Variants in TMEM232 observed in about 807,000 individuals in gnomAD.
TMEM232 encodes the protein transmembrane protein 232.
In TMEM232, 80 loss-of-function variants were observed where a neutral mutation model predicts 78.8. That is an observed-to-expected ratio of 1.01 (90% confidence interval 0.85 to 1.22). The LOEUF is 1.22. Among genes scored for constraint, TMEM232 ranks in the 50% most tolerant of loss-of-function variants. The pLI, the probability that TMEM232 is intolerant of heterozygous loss-of-function variation, is 0.00. For missense variants in TMEM232, 881 were observed against 742.2 expected (o/e 1.19, Z -2.17); for synonymous variants, 297 against 254.3 (o/e 1.17, Z -1.60).
chr5:110,507,980 A>C (rs567963531), intron 12 of TMEM232, among the ~76,000 whole-genome samples: 3 of 152,330 alleles, frequency 2.0e-5, no homozygotes, highest in South Asian at 2.1e-4. Flanking sequence ...GTATGCTAAT[A>C]GGTGGTTGAC....
chr5:110,734,193 G>A (rs1422032799), intron 2 of TMEM232, among the ~76,000 whole-genome samples: 1 of 152,230 alleles, frequency 6.6e-6, no homozygotes, highest in Admixed American at 6.5e-5. Flanking sequence ...CTGCGTGCAG[G>A]TTGGCTAGAT....
At chr5:110,584,022 T>G (rs758369770) in intron 10 of TMEM232, among the ~76,000 whole-genome samples, 3 of 146,094 alleles carry the variant, frequency 2.1e-5, no homozygotes, top group Non-Finnish European at 3.0e-5. Flanking sequence ...TGTGAGGAAA[T>G]TGGAATCCCT....
intron 2 of TMEM232, among the ~76,000 whole-genome samples, chr5:110,647,129 G>C (rs1302818084): frequency 6.6e-6 from 1 of 151,886 alleles, no homozygotes; most frequent in Non-Finnish European, 1.5e-5. Flanking sequence ...TTGTGTGCAA[G>C]CATTGTATGT....
intron 11 of TMEM232, 73 bp from the exon 12 acceptor site, chr5:110,528,908 A>G (rs1771014312): frequency 8.4e-7 from 1 of 1,192,078 alleles, no homozygotes; most frequent in Non-Finnish European, 1.1e-6. Flanking sequence ...GTATTATTAA[A>G]TTTTTTAAAG....
intron 2 of TMEM232, among the ~76,000 whole-genome samples, chr5:110,653,759 T>G (rs1788649618): frequency 2.0e-5 from 3 of 152,190 alleles, no homozygotes; most frequent in Admixed American, 2.0e-4. Flanking sequence ...GGGAGGAATC[T>G]GAGCAGATGA....
chr5:110,736,433 C>G (rs555592610), intron 1 of TMEM232, among the ~76,000 whole-genome samples: 2 of 152,052 alleles, frequency 1.3e-5, no homozygotes, highest in Non-Finnish European at 2.9e-5. Flanking sequence ...TATGCAAGCC[C>G]GTGCTCAGAC....
intron 11 of TMEM232, 53 bp downstream of exon 11, chr5:110,568,394 C>A (rs1202679662): frequency 7.0e-7 from 1 of 1,433,110 alleles, no homozygotes; most frequent in Middle Eastern, 1.8e-4. Context: ...GAAATGACAA[C>A]CGTGCTTCCT....
At chr5:110,652,751 AAAGGAAACTTCTAAAAAGT>A (rs147111377) in intron 2 of TMEM232, among the ~76,000 whole-genome samples, 12,995 of 152,242 alleles carry the variant, frequency 0.085, 581 homozygotes, top group Admixed American at 0.12. Flanking sequence ...GTAAGAAGCA[AAAGGAAACTTCTAAAAAGT>A]AAATACAGGC....
In TMEM232 at chr5:110,455,860, T is replaced by C. The variant is rs1025968548; in HGVS notation, c.1704-30944A>G. On this transcript the variant is annotated intron_variant, in intron 12 of 13. Coordinates refer to ENST00000455884, the MANE Select transcript of TMEM232 (RefSeq NM_001039763.4). ...AAAAAGAAAAACCGTTATAGGTCTC[T>C]TTCAACAGATGAAAAACAAGCTTTT... 5.3e-5 allele frequency among the ~76,000 whole-genome samples: 8 copies of C among 152,220 alleles called. No homozygotes were observed. In the East Asian group the frequency reaches 7.7e-4, roughly 15 times the overall value.
At chr5:110,468,287 A>C (rs1762304438) in intron 12 of TMEM232, among the ~76,000 whole-genome samples, 1 of 150,674 alleles carries the variant, frequency 6.6e-6, no homozygotes, top group African/African-American at 2.5e-5. Context: ...TTCATATAAG[A>C]GCATAAAATA....
chr5:110,596,490 G>A (rs1780185049), intron 10 of TMEM232, among the ~76,000 whole-genome samples: 1 of 152,182 alleles, frequency 6.6e-6, no homozygotes, highest in African/African-American at 2.4e-5. Context: ...CAGAAAAAGA[G>A]GGAATCCTCC....
At chr5:110,653,843 G>A (rs1316711427) in intron 2 of TMEM232, among the ~76,000 whole-genome samples, 1 of 151,986 alleles carries the variant, frequency 6.6e-6, no homozygotes, top group Non-Finnish European at 1.5e-5. Flanking sequence ...TAATCCAAAA[G>A]GACTTGTAAG....
chr5:110,451,778 T>C (rs1306134997), intron 12 of TMEM232, among the ~76,000 whole-genome samples: 4 of 152,138 alleles, frequency 2.6e-5, no homozygotes, highest in Non-Finnish European at 5.9e-5. Context: ...TATTATTTAT[T>C]AGTATCATAG....
At chr5:110,503,873 C>T (rs1225695350) in intron 12 of TMEM232, among the ~76,000 whole-genome samples, 1 of 152,168 alleles carries the variant, frequency 6.6e-6, no homozygotes, top group Non-Finnish European at 1.5e-5. Context: ...TTTTAGAGGA[C>T]AATGATGCCT....
intron 2 of TMEM232, among the ~76,000 whole-genome samples, chr5:110,648,851 C>G (rs539715951): frequency 1.3e-5 from 2 of 152,158 alleles, no homozygotes; most frequent in South Asian, 2.1e-4. Context: ...GGTTATCTAT[C>G]TATTACACTC....
intron 5 of TMEM232, among the ~76,000 whole-genome samples, chr5:110,630,724 C>T (rs902315782): frequency 5.3e-5 from 8 of 152,114 alleles, no homozygotes; most frequent in Non-Finnish European, 1.5e-5. Context: ...TACCCAGTCT[C>T]AGGTACTTCT....
At chr5:110,687,873 T>C (rs1301627999) in intron 1 of TMEM232, among the ~76,000 whole-genome samples, 1 of 152,076 alleles carries the variant, frequency 6.6e-6, no homozygotes, top group Non-Finnish European at 1.5e-5. Flanking sequence ...GAAAACACCA[T>C]TTGGAAATTT....
intron 2 of TMEM232, among the ~76,000 whole-genome samples, chr5:110,648,561 TTC>T (rs1787842651): frequency 6.6e-6 from 1 of 152,024 alleles, no homozygotes; most frequent in African/African-American, 2.4e-5. Flanking sequence ...AAGCAAAATG[TTC>T]TTTCTTTTTA....
intron 12 of TMEM232, among the ~76,000 whole-genome samples, chr5:110,435,419 T>C (rs1758316815): frequency 6.7e-6 from 1 of 150,088 alleles, no homozygotes; most frequent in Admixed American, 6.6e-5. Context: ...CAATATGTAA[T>C]AATTACGTCA....
Sources: allele counts gnomAD v4.1 joint callset (sites outside exome capture counted in the v4.1 genomes callset), GRCh38; gene constraint gnomAD v4.1.1; transcripts MANE v1.5; gene names NCBI Gene and HGNC (gene_info 2026-07-23, HGNC 2026-07-21).